HIKESHI: variants seen among roughly 807,000 people sequenced by gnomAD.
HIKESHI encodes heat shock protein nuclear import factor hikeshi.
In HIKESHI, 13 loss-of-function variants were observed where a neutral mutation model predicts 25.7. That is an observed-to-expected ratio of 0.51 (90% CI 0.33 to 0.80). HIKESHI has a LOEUF of 0.80. Ranked by LOEUF, HIKESHI falls within the 30% of genes least tolerant of loss-of-function variation. HIKESHI has a pLI of 0.02. For missense variants in HIKESHI, 174 were observed against 229.5 expected, an observed-to-expected ratio of 0.76 and a Z score of 1.56; for synonymous variants, 76 against 78.7, an observed-to-expected ratio of 0.97 and a Z score of 0.18.
intron 2 of HIKESHI, among the ~76,000 whole-genome samples, chr11:86,335,331 G>C (rs541317500): frequency 1.3e-5 from 2 of 152,182 alleles, no homozygotes; most frequent in African/African-American, 2.4e-5. Context: ...ACTGTTGCCC[G>C]AGGCAAAGGA....
intron 2 of HIKESHI, among the ~76,000 whole-genome samples, chr11:86,334,628 C>T (rs7936284): frequency 0.088 from 13,394 of 152,088 alleles, 889 homozygotes; most frequent in African/African-American, 0.18. Flanking sequence ...TAGCATAATT[C>T]TAGATTTAAA....
At chr11:86,333,892 G>A (rs1381491123) in intron 2 of HIKESHI, among the ~76,000 whole-genome samples, 2 of 152,146 alleles carry the variant, frequency 1.3e-5, no homozygotes, top group South Asian at 4.1e-4. Context: ...CAAATTATGA[G>A]CCGTTAAAGG....
chr11:86,326,777 G>A (rs1947292617), intron 2 of HIKESHI: 1 of 294,752 alleles, frequency 3.4e-6, no homozygotes, highest in Non-Finnish European at 6.7e-6. Context: ...AAGTGACAGT[G>A]AGGAGGAGAC....
At chr11:86,328,227 A>T (rs181577897) in intron 2 of HIKESHI, among the ~76,000 whole-genome samples, 108 of 152,148 alleles carry the variant, frequency 7.1e-4, no homozygotes, top group African/African-American at 2.5e-3. Flanking sequence ...CCTTTCCTAA[A>T]GTAAATTTAA....
intron 2 of HIKESHI, among the ~76,000 whole-genome samples, chr11:86,330,352 G>C (rs1947390589): frequency 6.6e-6 from 1 of 152,114 alleles, no homozygotes; most frequent in Non-Finnish European, 1.5e-5. Flanking sequence ...AAAAATCTTG[G>C]TGACTTATTT....
In HIKESHI at chr11:86,342,017, T is replaced by A. The variant is rs369990348; in HGVS notation, c.421-2586T>A. On this transcript the variant is annotated intron_variant, in intron 3 of 4. Transcript: ENST00000278483. ...CCAGTTTTTTTCATTTCCTTTTTCA[T>A]ATGTTCTCACTAACATTTATCAGAC... Among the ~76,000 whole-genome samples, 7 of 152,264 alleles carry A rather than the reference T, an allele frequency of 4.6e-5. No individual in the cohort carries two copies. In the East Asian group the frequency reaches 1.4e-3, roughly 29 times the overall value.
Position 86,302,447 on chromosome 11 carries a change from C to A in HIKESHI, c.-2C>A, listed in dbSNP as rs1003552120. The A allele has an allele frequency of 1.3e-6, 2 of 1,555,290 alleles. No homozygotes were observed. Among genetic ancestry groups the A allele is most frequent in the Non-Finnish European group, 8.7e-7 (1 of 1,149,204 alleles). On this transcript the variant is annotated 5_prime_UTR_variant, in exon 1 of 5. Coordinates refer to ENST00000278483, the MANE Select transcript of HIKESHI (RefSeq NM_016401.4). ...TGCCGGCTGAACGGAGCTGCCGTCG[C>A]CATGTTTGGCTGCTTGGTGGCGGGG...
At chr11:86,344,277 A>C (rs887936692) in intron 3 of HIKESHI, 1 of 209,574 alleles carries the variant, frequency 4.8e-6, no homozygotes, top group Non-Finnish European at 9.3e-6. Flanking sequence ...AGTGAGTAGC[A>C]TATTTCACAG....
intron 2 of HIKESHI, among the ~76,000 whole-genome samples, chr11:86,312,481 C>T (rs1946859509): frequency 1.3e-5 from 2 of 152,146 alleles, no homozygotes; most frequent in African/African-American, 4.8e-5. Flanking sequence ...CTCCTGAATA[C>T]AGCACACCGA....
At position 86,344,630 on chromosome 11, in the gene HIKESHI, T is replaced by C. The variant is rs748141990; in HGVS notation, c.448T>C (p.Tyr150His). Residue 150 changes from tyrosine (Y) to histidine (H), a missense_variant, in exon 4 of 5, where the codon TAC (tyrosine) becomes CAC (histidine). Physicochemically the swap from Tyr to His is moderately conservative, Grantham distance 83. Transcript: ENST00000278483. ...QFTQKMLDNF[Y>H]NFASSFAVSQ... ...CACACAAAAGATGTTGGACAATTTC[T>C]ACAATTTTGCTTCATCATTTGCTGT... The C allele has an allele frequency of 6.2e-6, 10 of 1,606,390 alleles. No individual in the cohort carries two copies. Among genetic ancestry groups the C allele is most frequent in the South Asian group, 1.1e-5 (1 of 90,484 alleles).
At chr11:86,310,099 G>A (rs1468521364) in intron 2 of HIKESHI, among the ~76,000 whole-genome samples, 5 of 147,558 alleles carry the variant, frequency 3.4e-5, no homozygotes, top group African/African-American at 5.0e-5. Context: ...CCAATTCTGC[G>A]AAGAAAGTCA....
intron 2 of HIKESHI, among the ~76,000 whole-genome samples, chr11:86,328,466 C>G (rs1947340830): frequency 1.3e-5 from 2 of 148,672 alleles, no homozygotes; most frequent in Middle Eastern, 3.6e-3. Flanking sequence ...GAGTCTGGCT[C>G]TGTTGCCGAG....
At chr11:86,310,577 T>C (rs1946809656) in intron 2 of HIKESHI, among the ~76,000 whole-genome samples, 1 of 152,222 alleles carries the variant, frequency 6.6e-6, no homozygotes, top group Non-Finnish European at 1.5e-5. Flanking sequence ...CTGATTGCCC[T>C]GGCCAGAACT....
rs533492050 is a variant in HIKESHI, at chr11:86,313,609, A to G, written c.268+7127A>G. Among the ~76,000 whole-genome samples the G allele has an allele frequency of 2.0e-5, 3 of 152,342 alleles. No individual in the cohort carries two copies. The East Asian group carries it at 5.8e-4, about 29-fold the overall frequency. The stretch of plus-strand genomic sequence containing the variant: ...GGTACCATGTAGGTAACATGTTTAT[A>G]TATTTACCAAACATTTGTGTATCTG... On this transcript the variant is annotated intron_variant, in intron 2 of 4. Transcript: ENST00000278483.
intron 2 of HIKESHI, among the ~76,000 whole-genome samples, chr11:86,314,902 G>A (rs1213930454): frequency 6.6e-6 from 1 of 152,158 alleles, no homozygotes; most frequent in East Asian, 1.9e-4. Context: ...CTGAGAAATT[G>A]GGTGTGGAAT....
At chr11:86,334,236 A>ATGTGTG (rs60951435) in intron 2 of HIKESHI, among the ~76,000 whole-genome samples, 7,120 of 147,038 alleles carry the variant, frequency 0.048, 205 homozygotes, top group Middle Eastern at 0.062. Flanking sequence ...TTTGTAAAAT[A>ATGTGTG]TGTGTGTGTG....
chr11:86,327,560 C>T (rs1274450468), intron 2 of HIKESHI, among the ~76,000 whole-genome samples: 2 of 152,074 alleles, frequency 1.3e-5, no homozygotes, highest in Non-Finnish European at 2.9e-5. Context: ...GTGATCCACT[C>T]GCCTTGGCCT....
rs761403557 is a variant in HIKESHI, at chr11:86,337,373, T to C, written c.269-6T>C. Reference sequence around the variant, plus strand: ...GAAATGTGTGTCATATGTTAATTTCTTGCAGGAGAAGGAAGCCAACATCCT... The same window carrying C: ...GAAATGTGTGTCATATGTTAATTTCCTGCAGGAGAAGGAAGCCAACATCCT... On this transcript the variant is annotated splice_region_variant and splice_polypyrimidine_tract_variant and intron_variant, in intron 2 of 4. Coordinates refer to ENST00000278483, the MANE Select transcript of HIKESHI (RefSeq NM_016401.4). 1 of 1,610,440 alleles carries C rather than the reference T, an allele frequency of 6.2e-7. No homozygotes were observed. The highest frequency in any genetic ancestry group is 1.1e-5 in the South Asian group (1 of 90,052).
At position 86,345,599 on chromosome 11, in the gene HIKESHI, A is replaced by G; in HGVS notation, c.555A>G (p.Gln185=). 3.2e-6 allele frequency: 5 copies of G among 1,551,540 alleles called. No homozygotes were observed. In the African/African-American group the frequency reaches 6.9e-5, roughly 21 times the overall value. Residue 185 remains glutamine, a synonymous_variant, in exon 5 of 5, where the codon CAA becomes CAG. Coordinates refer to ENST00000278483, the MANE Select transcript of HIKESHI (RefSeq NM_016401.4). ...NVVLKWYENF[Q]RRLAQNPLFW... ...TCTTTTCTAGGTATGAAAACTTTCAAAGACGACTAGCACAGAACCCTCTCT... is the reference window on the plus strand; with the variant it reads ...TCTTTTCTAGGTATGAAAACTTTCAGAGACGACTAGCACAGAACCCTCTCT...
Sources: gnomAD v4.1 joint callset for allele counts (sites outside exome capture counted in the v4.1 genomes callset) on GRCh38, gnomAD v4.1.1 for gene constraint, MANE v1.5 for transcripts, NCBI Gene and HGNC (gene_info 2026-07-23, HGNC 2026-07-21) for gene names.